The following HERC1 variants were observed in gnomAD, a reference collection of about 807,000 sequenced individuals.
HERC1 encodes HECT and RLD domain containing E3 ubiquitin protein ligase family member 1, also known as probable E3 ubiquitin-protein ligase HERC1.
In HERC1, 160 loss-of-function variants were observed where a neutral mutation model predicts 554.3. That is an observed-to-expected ratio of 0.29 (90% CI 0.25 to 0.33). The LOEUF (loss-of-function observed/expected upper bound fraction) is 0.33. Among genes scored for constraint, HERC1 ranks in the 10% least tolerant of loss-of-function variants. The pLI, the probability that HERC1 is intolerant of heterozygous loss-of-function variation, is 1.00. For missense variants in HERC1, 4,919 were observed against 5,918.5 expected (o/e 0.83, Z 5.54); for synonymous variants, 2,175 against 2,131.7 (o/e 1.02, Z -0.56).
At chr15:63,636,775 T>C (rs1227739868) in intron 64 of HERC1, among the ~76,000 whole-genome samples, 2 of 152,138 alleles carry the variant, frequency 1.3e-5, no homozygotes, top group Non-Finnish European at 2.9e-5. Context: ...ATGAAACAGA[T>C]ACTAACATCC....
chr15:63,704,109 GA>G (rs58989752), intron 25 of HERC1, among the ~76,000 whole-genome samples: 3 of 150,972 alleles, frequency 2.0e-5, no homozygotes, highest in African/African-American at 7.3e-5. Context: ...GACAAAAAAG[GA>G]AAAAAAATAC....
intron 3 of HERC1, among the ~76,000 whole-genome samples, chr15:63,762,577 G>T (rs549971808): frequency 2.6e-4 from 40 of 151,966 alleles, no homozygotes; most frequent in Non-Finnish European, 4.9e-4. Context: ...CACCCACCTC[G>T]GCCTCCCAAA....
chr15:63,814,090 A>G (rs2077415877), intron 1 of HERC1, among the ~76,000 whole-genome samples: 1 of 152,196 alleles, frequency 6.6e-6, no homozygotes, highest in South Asian at 2.1e-4. Flanking sequence ...CAACAAAAAA[A>G]GAGTACAGTA....
At chr15:63,767,009 T>G (rs980966648) in intron 2 of HERC1, among the ~76,000 whole-genome samples, 5 of 148,494 alleles carry the variant, frequency 3.4e-5, no homozygotes, top group Admixed American at 2.7e-4. Context: ...TTTCATTTGT[T>G]TTTTTTTTTT....
intron 25 of HERC1, among the ~76,000 whole-genome samples, chr15:63,706,064 A>G (rs1373261610): frequency 1.4e-5 from 2 of 147,774 alleles, no homozygotes; most frequent in Non-Finnish European, 3.0e-5. Flanking sequence ...CAGCAGTACC[A>G]GTTAATAGAG....
intron 1 of HERC1, among the ~76,000 whole-genome samples, chr15:63,824,113 T>A (rs561878155): frequency 6.6e-6 from 1 of 151,904 alleles, no homozygotes; most frequent in Non-Finnish European, 1.5e-5. Flanking sequence ...CCTGTGAGGA[T>A]GGCAATTATC....
chr15:63,687,240 G>A (rs941445773), intron 33 of HERC1, among the ~76,000 whole-genome samples: 3 of 152,134 alleles, frequency 2.0e-5, no homozygotes, highest in Non-Finnish European at 4.4e-5. Flanking sequence ...TGCAAGTTCA[G>A]GTAAGAAATA....
At chr15:63,704,521 G>A (rs1188455111) in intron 25 of HERC1, among the ~76,000 whole-genome samples, 1 of 151,920 alleles carries the variant, frequency 6.6e-6, no homozygotes, top group Admixed American at 6.6e-5. Context: ...TCTCTCTAGC[G>A]CCAAATGATA....
intron 1 of HERC1, among the ~76,000 whole-genome samples, chr15:63,828,777 G>T (rs1341410852): frequency 6.6e-6 from 1 of 152,162 alleles, no homozygotes; most frequent in Non-Finnish European, 1.5e-5. Flanking sequence ...AATAACAAAT[G>T]AACTTAATGC....
chr15:63,793,620 T>C (rs1047676320), intron 1 of HERC1, among the ~76,000 whole-genome samples: 2 of 152,226 alleles, frequency 1.3e-5, no homozygotes, highest in Non-Finnish European at 2.9e-5. Context: ...GCTCTGCCTA[T>C]GGAGCAGACA....
intron 24 of HERC1, among the ~76,000 whole-genome samples, chr15:63,711,448 G>A (rs564151753): frequency 1.3e-5 from 2 of 152,190 alleles, no homozygotes; most frequent in Non-Finnish European, 2.9e-5. Context: ...AGTATGAAGT[G>A]GAAGCACAGA....
chr15:63,775,749 G>T lies in HERC1; in HGVS notation c.-26-100C>A. 1.1e-6 allele frequency: 1 copy of T among 870,540 alleles called. No individual in the cohort carries two copies. The highest frequency in any genetic ancestry group is 1.7e-6 in the Non-Finnish European group (1 of 571,702). 53.9% of individuals were successfully genotyped at this position (870,540 alleles called of 1,614,324 possible). On this transcript the variant is annotated intron_variant, in intron 1 of 77. Transcript: ENST00000443617. This position sits in a 1 kb window ranked among gnomAD's most constrained non-coding sequence, Gnocchi z 4.0. ...TTACAATTAATGATTTCAAACTGGT[G>T]AAATGCAGCCGGGTGCGGTGGCTCA...
At position 63,775,347 on chromosome 15, in the gene HERC1, C is replaced by T. The variant is rs1247415586; in HGVS notation, c.277G>A (p.Val93Ile). ...LSSQLALAKM[V>I]CSDSPFAGAL... ...CCGGCAAATGGGGAATCTGAACATACCATCTTTGCCAATGCTAGCTGGCTG... is the reference window on the plus strand; with the variant it reads ...CCGGCAAATGGGGAATCTGAACATATCATCTTTGCCAATGCTAGCTGGCTG... The change falls in exon 2 of 78, where the codon GTA (valine) becomes ATA (isoleucine). Residue 93 changes from valine to isoleucine, a missense_variant. Val to Ile is a conservative substitution (Grantham distance 29, BLOSUM62 3). Around this residue, in one of 11 missense-constraint regions of HERC1, gnomAD observed 744 missense variants for 1,090.0 expected, o/e 0.68. Coordinates refer to ENST00000443617, the MANE Select transcript of HERC1 (RefSeq NM_003922.4). This position sits in a 1 kb window ranked among gnomAD's most constrained non-coding sequence, Gnocchi z 4.0. 6.2e-7 allele frequency: 1 copy of T among 1,613,822 alleles called. No homozygotes were observed. The highest frequency in any genetic ancestry group is 8.5e-7 in the Non-Finnish European group (1 of 1,179,854).
chr15:63,669,810 T>C (rs1166950344), intron 39 of HERC1, 112 bp from the exon 40 acceptor site: 11 of 890,704 alleles, frequency 1.2e-5, no homozygotes, highest in Admixed American at 9.8e-5. Flanking sequence ...AGGTTAGTTA[T>C]AGTTTAATGG....
intron 8 of HERC1, 44 bp downstream of exon 8, chr15:63,752,914 C>T: frequency 6.4e-7 from 1 of 1,558,706 alleles, no homozygotes; most frequent in Non-Finnish European, 8.7e-7. Flanking sequence ...TCACCTAATC[C>T]TCTGAAATAC....
chr15:63,735,273 C>T (rs1319560112), intron 12 of HERC1, among the ~76,000 whole-genome samples: 1 of 151,590 alleles, frequency 6.6e-6, no homozygotes, highest in East Asian at 1.9e-4. Context: ...AGCACACAAA[C>T]AGGGCAATTA....
intron 4 of HERC1, among the ~76,000 whole-genome samples, chr15:63,757,826 C>T (rs1474355113): frequency 6.6e-6 from 1 of 152,150 alleles, no homozygotes; most frequent in African/African-American, 2.4e-5. Flanking sequence ...TCTTCTGCCT[C>T]AGCCTCCCGA....
At position 63,718,977 on chromosome 15, in the gene HERC1, C is replaced by A; in HGVS notation, c.3743-80G>T. On this transcript the variant is annotated intron_variant, in intron 19 of 77. Transcript: ENST00000443617. This position sits in a 1 kb window ranked among gnomAD's most constrained non-coding sequence, Gnocchi z 4.2. ...GGTAATTTTTATAGCTTTAGTCATC[C>A]AACACCTGAATTTTATCATCTTTCT... 1.1e-6 allele frequency: 1 copy of A among 872,754 alleles called. No individual in the cohort carries two copies. The highest frequency in any genetic ancestry group is 1.8e-6 in the Non-Finnish European group (1 of 558,860). 54.1% of individuals were successfully genotyped at this position (872,754 alleles called of 1,614,324 possible).
At chr15:63,804,268 T>A (rs2077071369) in intron 1 of HERC1, among the ~76,000 whole-genome samples, 1 of 152,330 alleles carries the variant, frequency 6.6e-6, no homozygotes, top group Non-Finnish European at 1.5e-5. Context: ...AGACCTGATC[T>A]AAATTAAAAA....
Sources: gnomAD v4.1 joint callset for allele counts (sites outside exome capture counted in the v4.1 genomes callset) on GRCh38, gnomAD v4.1.1 for gene constraint, gnomAD v4.1.1 regional missense constraint, Gnocchi (gnomAD v3.1) non-coding constraint, MANE v1.5 for transcripts, NCBI Gene and HGNC (gene_info 2026-07-23, HGNC 2026-07-21) for gene names.